The following ECT2 variants were observed in gnomAD, a reference collection of about 807,000 sequenced individuals.
The protein encoded by ECT2 is epithelial cell transforming 2.
In ECT2, 61 loss-of-function variants were observed where a neutral mutation model predicts 116.9. That is an observed-to-expected ratio of 0.52 (90% CI 0.42 to 0.65). The LOEUF (loss-of-function observed/expected upper bound fraction) is 0.65, where lower values mean the gene tolerates loss of function less well. Among genes scored for constraint, ECT2 ranks in the 30% least tolerant of loss-of-function variants. ECT2 has a pLI of 0.00. For missense variants in ECT2, 937 were observed against 1,078.7 expected, an observed-to-expected ratio of 0.87 and a Z score of 1.84; for synonymous variants, 358 against 346.4, an observed-to-expected ratio of 1.03 and a Z score of -0.37.
At chr3:172,771,921 CT>C (rs1182923286) in intron 13 of ECT2, among the ~76,000 whole-genome samples, 4 of 152,158 alleles carry the variant, frequency 2.6e-5, no homozygotes, top group Non-Finnish European at 5.9e-5. Flanking sequence ...ATCTGTATAT[CT>C]TTTTTGTTGA....
At chr3:172,784,954 G>A in intron 17 of ECT2, 151 bp downstream of exon 17, 1 of 471,138 alleles carries the variant, frequency 2.1e-6, no homozygotes. Flanking sequence ...TTAAAAAATA[G>A]TTACTGGTGC....
chr3:172,774,136 T>A (rs141650310), intron 14 of ECT2, 114 bp downstream of exon 14: 11,262 of 920,744 alleles, frequency 0.012, 127 homozygotes, highest in Middle Eastern at 0.039. Context: ...AACTTCTTAT[T>A]CCCTTATTAG....
At chr3:172,789,365 G>A (rs1322564391) in intron 18 of ECT2, among the ~76,000 whole-genome samples, 1 of 151,826 alleles carries the variant, frequency 6.6e-6, no homozygotes, top group African/African-American at 2.4e-5. Context: ...CACCACACCT[G>A]GCTAACTTTT....
At chr3:172,752,833 G>A (rs998620072) in intron 1 of ECT2, among the ~76,000 whole-genome samples, 1 of 152,082 alleles carries the variant, frequency 6.6e-6, no homozygotes, top group Non-Finnish European at 1.5e-5. Flanking sequence ...TGGAAACTGA[G>A]GTTTAACTGA....
chr3:172,784,236 A>G (rs970498975), intron 16 of ECT2, among the ~76,000 whole-genome samples: 1 of 152,028 alleles, frequency 6.6e-6, no homozygotes, highest in African/African-American at 2.4e-5. Flanking sequence ...GCTTGAGGCT[A>G]GGAGTTTGAG....
intron 13 of ECT2, among the ~76,000 whole-genome samples, chr3:172,772,341 C>T (rs112428068): frequency 0.023 from 3,425 of 152,164 alleles, 145 homozygotes; most frequent in African/African-American, 0.078. Context: ...TACAGGCACC[C>T]GCCACCACGC....
intron 24 of ECT2, chr3:172,818,461 T>A: frequency 1.3e-6 from 1 of 773,988 alleles, no homozygotes; most frequent in Non-Finnish European, 1.6e-6. Context: ...TTATGTCACT[T>A]TTAATAGACA....
intron 4 of ECT2, among the ~76,000 whole-genome samples, chr3:172,756,395 A>G (rs1485773029): frequency 6.6e-6 from 1 of 152,178 alleles, no homozygotes; most frequent in Non-Finnish European, 1.5e-5. Flanking sequence ...ACTGTAAGTA[A>G]CTTGCCTTTT....
chr3:172,824,447 T>G (rs1320139444), downstream of ECT2, among the ~76,000 whole-genome samples: 1 of 152,092 alleles, frequency 6.6e-6, no homozygotes, highest in Admixed American at 6.5e-5. Context: ...AGAACTCTTA[T>G]GAGAACAGCA....
chr3:172,765,484 T>C (rs985008363), intron 12 of ECT2, among the ~76,000 whole-genome samples: 1 of 152,194 alleles, frequency 6.6e-6, no homozygotes, highest in African/African-American at 2.4e-5. Context: ...CCATGTCTAA[T>C]AGATATCTTA....
At chr3:172,801,534 G>A (rs531235702) in intron 18 of ECT2, among the ~76,000 whole-genome samples, 4 of 152,310 alleles carry the variant, frequency 2.6e-5, no homozygotes, top group Admixed American at 1.3e-4. Flanking sequence ...ACAGTGATCA[G>A]GTTGAGAACT....
chr3:172,823,101 A>G (rs927527626), downstream of ECT2, among the ~76,000 whole-genome samples: 5 of 152,110 alleles, frequency 3.3e-5, no homozygotes, highest in African/African-American at 1.2e-4. Flanking sequence ...GAGCGCTAAC[A>G]TGTTTATGAA....
In ECT2 at chr3:172,764,328, C is replaced by A. The variant is rs1718909259; in HGVS notation, c.1119C>A (p.Thr373=). The A allele has an allele frequency of 1.9e-6, 3 of 1,614,008 alleles. No homozygotes were observed. The highest frequency in any genetic ancestry group is 2.5e-6 in the Non-Finnish European group (3 of 1,179,982). ...KKSVSMLSLN[T]PNSNRKRRRL... ...CAGTGTCAATGCTTTCTCTAAATAC[C>A]CCTAACAGCAATCGCAAACGACGTC... is the stretch of plus-strand genomic sequence containing the variant. Residue 373 remains threonine (T), a synonymous_variant, in exon 12 of 25, where the codon ACC becomes ACA. Coordinates refer to ENST00000392692, the MANE Select transcript of ECT2 (RefSeq NM_001258315.2).
chr3:172,756,844 G>A (rs1717083635), intron 4 of ECT2, 139 bp from the exon 5 acceptor site: 1 of 698,866 alleles, frequency 1.4e-6, no homozygotes, highest in East Asian at 3.0e-5. Flanking sequence ...GCTGATTATT[G>A]TGTGATAGAA....
chr3:172,814,298 C>T (rs952743584), intron 22 of ECT2, among the ~76,000 whole-genome samples: 5 of 151,874 alleles, frequency 3.3e-5, no homozygotes, highest in Admixed American at 1.3e-4. Flanking sequence ...TTTCAAAGTA[C>T]TTCTATGCAT....
intron 7 of ECT2, 23 bp downstream of exon 7, chr3:172,760,286 G>T (rs767595256): frequency 6.7e-7 from 1 of 1,485,700 alleles, no homozygotes; most frequent in Non-Finnish European, 9.4e-7. Context: ...GGGTATTTTT[G>T]TGTATTTCAA....
chr3:172,775,550 G>A (rs1438925415), intron 14 of ECT2, among the ~76,000 whole-genome samples: 1 of 152,038 alleles, frequency 6.6e-6, no homozygotes, highest in Non-Finnish European at 1.5e-5. Context: ...GAAGAGGAAA[G>A]TACTCTTGGA....
At chr3:172,797,455 G>A (rs1278567181) in intron 18 of ECT2, among the ~76,000 whole-genome samples, 1 of 152,042 alleles carries the variant, frequency 6.6e-6, no homozygotes, top group African/African-American at 2.4e-5. Context: ...GCTTTTTTCT[G>A]TCAGCTTTCA....
intron 12 of ECT2, among the ~76,000 whole-genome samples, 170 bp from the exon 13 acceptor site, chr3:172,768,837 G>T (rs1312429760): frequency 6.6e-6 from 1 of 151,978 alleles, no homozygotes; most frequent in Non-Finnish European, 1.5e-5. Flanking sequence ...ATTTTTGACC[G>T]TTATTTTTTT....
Sources: gnomAD v4.1 joint callset for allele counts (sites outside exome capture counted in the v4.1 genomes callset) on GRCh38, gnomAD v4.1.1 for gene constraint, MANE v1.5 for transcripts, NCBI Gene and HGNC (gene_info 2026-07-23, HGNC 2026-07-21) for gene names.